AKAP13: variants seen among roughly 807,000 people sequenced by gnomAD.
The protein encoded by AKAP13 is A-kinase anchoring protein 13, also known as A-kinase anchor protein 13.
Under a neutral mutation model 264.5 loss-of-function variants are expected in AKAP13, and 80 were observed. That is an observed-to-expected ratio of 0.30 (90% confidence interval 0.25 to 0.36). The LOEUF is 0.36. AKAP13 is among the 10% of genes least tolerant of loss of function. The probability of loss-of-function intolerance (pLI) is 1.00; values close to 1 mark genes in which losing one functional copy is unlikely to be tolerated. For synonymous variants in AKAP13, 1,380 were observed against 1,250.2 expected (o/e 1.10, Z -2.19); for missense variants, 3,712 against 3,435.2 (o/e 1.08, Z -2.01).
chr15:85,730,769 T>C (rs1205419612), intron 30 of AKAP13, 62 bp downstream of exon 30: 14 of 1,426,050 alleles, frequency 9.8e-6, no homozygotes, highest in African/African-American at 4.3e-5. Context: ...CACACTAATA[T>C]TACCTGCCAG....
chr15:85,531,615 T>C (rs1033732630), intron 3 of AKAP13, among the ~76,000 whole-genome samples: 1 of 152,230 alleles, frequency 6.6e-6, no homozygotes, highest in African/African-American at 2.4e-5. Flanking sequence ...CCTAATTCTC[T>C]TTCATATATT....
rs759395748 is a variant in AKAP13 at position 85,579,635 on chromosome 15, G to A, written c.1567G>A (p.Val523Ile). ...CACAGCTGGAGCCTCTGACGTGCAC[G>A]TCACAAGTAAGCCTGTGGATAAAAT... ...IGTAGASDVH[V>I]TSKPVDKISV... Residue 523 changes from valine to isoleucine, a missense_variant, in exon 7 of 37, where the codon GTC (valine) becomes ATC (isoleucine). By Grantham distance (29) the Val-to-Ile change is conservative. Around this residue, in one of 3 missense-constraint regions of AKAP13, gnomAD observed 2,759 missense variants for 2,411.7 expected, o/e 1.14. Coordinates refer to ENST00000394518, the MANE Select transcript of AKAP13 (RefSeq NM_007200.5). 11 of 1,614,212 alleles carry A rather than the reference G, an allele frequency of 6.8e-6. No individual in the cohort carries two copies. The highest frequency in any genetic ancestry group is 3.3e-5 in the Admixed American group (2 of 60,024).
At chr15:85,470,221 G>A (rs2074911462) in intron 1 of AKAP13, among the ~76,000 whole-genome samples, 4 of 152,182 alleles carry the variant, frequency 2.6e-5, no homozygotes, top group Non-Finnish European at 2.9e-5. Context: ...CCCAGAAGGC[G>A]GAGGTTGTAG....
intron 2 of AKAP13, among the ~76,000 whole-genome samples, chr15:85,507,682 A>G (rs527282229): frequency 6.6e-6 from 1 of 152,352 alleles, no homozygotes; most frequent in African/African-American, 2.4e-5. Flanking sequence ...CCAACACCTG[A>G]TGACAGGTGG....
At chr15:85,669,512 A>G (rs937313036) in intron 13 of AKAP13, among the ~76,000 whole-genome samples, 1 of 152,242 alleles carries the variant, frequency 6.6e-6, no homozygotes, top group Non-Finnish European at 1.5e-5. Flanking sequence ...ACTAAGCCTC[A>G]GAAAAGCTAA....
intron 5 of AKAP13, among the ~76,000 whole-genome samples, chr15:85,547,907 T>A (rs1432406182): frequency 1.3e-5 from 2 of 152,148 alleles, no homozygotes; most frequent in African/African-American, 4.8e-5. Flanking sequence ...CTCCTCTGAT[T>A]TGAAGACCCC....
At chr15:85,619,283 C>CT (rs2081072745) in intron 8 of AKAP13, 1 of 831,246 alleles carries the variant, frequency 1.2e-6, no homozygotes, top group South Asian at 5.5e-5. Context: ...GGGTGCGGAG[C>CT]TGAAAGGGCA....
chr15:85,692,810 C>T (rs956500543), intron 16 of AKAP13, among the ~76,000 whole-genome samples: 7 of 152,184 alleles, frequency 4.6e-5, no homozygotes, highest in African/African-American at 1.2e-4. Context: ...AGAGGAGCCT[C>T]GGTAATTTTT....
intron 1 of AKAP13, among the ~76,000 whole-genome samples, chr15:85,390,203 C>G (rs2070786338): frequency 6.6e-6 from 1 of 152,236 alleles, no homozygotes; most frequent in South Asian, 2.1e-4. Context: ...AATCTATATC[C>G]TATTGAGGGA....
intron 35 of AKAP13, among the ~76,000 whole-genome samples, chr15:85,742,821 A>G (rs2089134177): frequency 6.6e-6 from 1 of 152,060 alleles, no homozygotes; most frequent in Non-Finnish European, 1.5e-5. Context: ...AGAAAATTAT[A>G]CTGACAGCTT....
intron 3 of AKAP13, among the ~76,000 whole-genome samples, chr15:85,529,348 G>C (rs138072995): frequency 6.6e-6 from 1 of 152,322 alleles, no homozygotes; most frequent in East Asian, 1.9e-4. Context: ...GTGAACCCGG[G>C]ACGCAGAGCT....
chr15:85,654,068 A>C (rs2082988677), intron 10 of AKAP13, among the ~76,000 whole-genome samples: 1 of 152,232 alleles, frequency 6.6e-6, no homozygotes, highest in South Asian at 2.1e-4. Context: ...ACAGAGTTAC[A>C]CAGAACCTGT....
At chr15:85,468,365 G>A (rs1248984996) in intron 1 of AKAP13, among the ~76,000 whole-genome samples, 1 of 152,182 alleles carries the variant, frequency 6.6e-6, no homozygotes, top group African/African-American at 2.4e-5. Flanking sequence ...GGTTTTAGTA[G>A]TTGTCCTCTA....
At chr15:85,651,154 C>A (rs1442585702) in intron 10 of AKAP13, among the ~76,000 whole-genome samples, 1 of 152,124 alleles carries the variant, frequency 6.6e-6, no homozygotes, top group Non-Finnish European at 1.5e-5. Context: ...ACTTACGTAT[C>A]CATACCTGTA....
Position 85,698,933 on chromosome 15 carries a change from G to C in AKAP13, c.5464+5482G>C, listed in dbSNP as rs1330788337. 1.9e-5 allele frequency among the ~76,000 whole-genome samples: 2 copies of C among 107,090 alleles called. 1 individual carries two copies. The highest frequency in any genetic ancestry group is 0.014 in the Middle Eastern group (2 of 142). 70.3% of individuals were successfully genotyped at this position (107,090 alleles called of 152,430 possible). A position where few individuals can be genotyped will look rare whatever the true frequency, so the allele number is the denominator to read the frequency against. ...CACTCCAGCCTGGGAAACAGAGCGA[G>C]ACCTTGTCTCAAAAAAAAAAAAAAA... On this transcript the variant is annotated intron_variant, in intron 17 of 36. Coordinates refer to ENST00000394518, the MANE Select transcript of AKAP13 (RefSeq NM_007200.5).
At chr15:85,483,864 A>G (rs1567080967) in intron 1 of AKAP13, among the ~76,000 whole-genome samples, 2 of 152,194 alleles carry the variant, frequency 1.3e-5, no homozygotes, top group Non-Finnish European at 2.9e-5. Flanking sequence ...AATTTTTTTT[A>G]AAGCTTATCA....
chr15:85,535,008 T>C (rs1419196318), intron 4 of AKAP13: 1 of 152,198 alleles, frequency 6.6e-6, no homozygotes. Flanking sequence ...ATGTTAGAGC[T>C]CCTGCCAGAA....
chr15:85,419,393 T>C (rs1337459356), intron 1 of AKAP13, among the ~76,000 whole-genome samples: 1 of 152,200 alleles, frequency 6.6e-6, no homozygotes, highest in African/African-American at 2.4e-5. Flanking sequence ...TGATCTGCAT[T>C]TTGGACTGAG....
At chr15:85,389,036 A>G (rs62024513) in intron 1 of AKAP13, among the ~76,000 whole-genome samples, 32,211 of 152,130 alleles carry the variant, frequency 0.21, 3,694 homozygotes, top group East Asian at 0.31. Context: ...TGAGGACTCT[A>G]TTCTGGCAGT....
Sources: gnomAD v4.1 joint callset for allele counts (sites outside exome capture counted in the v4.1 genomes callset) on GRCh38, gnomAD v4.1.1 for gene constraint, gnomAD v4.1.1 regional missense constraint, MANE v1.5 for transcripts, NCBI Gene and HGNC (gene_info 2026-07-23, HGNC 2026-07-21) for gene names.